Variants in CELF2 observed in about 807,000 individuals in gnomAD.
CELF2 encodes the protein CUGBP Elav-like family member 2, also known as CUG triplet repeat RNA-binding protein 2.
In CELF2, 8 loss-of-function variants were observed where a neutral mutation model predicts 62.6. The ratio of observed to expected loss-of-function variants is 0.13; its 90% CI spans 0.07 to 0.23. CELF2 has a LOEUF of 0.23. Ranked by LOEUF, CELF2 falls within the 10% of genes least tolerant of loss-of-function variation. The probability of loss-of-function intolerance (pLI) is 1.00; values close to 1 mark genes in which losing one functional copy is unlikely to be tolerated. For missense variants in CELF2, 333 were observed against 671.0 expected, an observed-to-expected ratio of 0.50 and a Z score of 5.56; for synonymous variants, 258 against 250.0, an observed-to-expected ratio of 1.03 and a Z score of -0.30.
At chr10:10,789,388 C>T in the CELF2 span, among the ~76,000 whole-genome samples, 6 of 152,252 alleles carry the variant, frequency 3.9e-5, no homozygotes, top group Non-Finnish European at 7.4e-5. Context: ...ATTTAACCCA[C>T]ATTAAATTAT....
Position 11,217,383 on chromosome 10 carries a change from CA to C in CELF2, c.272-41del. On this transcript the variant is annotated intron_variant, in intron 2 of 12. Transcript: ENST00000633077. This position sits in a 1 kb window ranked among gnomAD's most constrained non-coding sequence, Gnocchi z 5.6. ...CAGTCTCCATTATATCTAAGCAAAG[CA>C]TTCACAGAAATTTCTAAAACCTTTT... is the stretch of plus-strand genomic sequence containing the variant. 1 of 1,378,300 alleles carries C rather than the reference CA, an allele frequency of 7.3e-7. No individual in the cohort carries two copies. Among genetic ancestry groups the C allele is most frequent in the Non-Finnish European group, 1.0e-6 (1 of 971,986 alleles). The allele number at this position is 1,378,300 out of a possible 1,614,324, so 85.4% of individuals were successfully genotyped here.
chr10:11,006,301 T>C (rs201113), intron 1 of CELF2, among the ~76,000 whole-genome samples: 41,113 of 152,150 alleles, frequency 0.27, 10,994 homozygotes, highest in African/African-American at 0.7. Context: ...TTGTATAGAC[T>C]ATCAGAATGA....
At chr10:10,485,497 C>G in the CELF2 span, among the ~76,000 whole-genome samples, 16 of 152,314 alleles carry the variant, frequency 1.1e-4, no homozygotes, top group African/African-American at 3.8e-4. Context: ...CAAATACATG[C>G]AAGGCTGCCA....
intron 1 of CELF2, among the ~76,000 whole-genome samples, chr10:10,894,356 C>A (rs1287185385): frequency 3.9e-5 from 6 of 152,200 alleles, no homozygotes; most frequent in African/African-American, 1.4e-4. Flanking sequence ...AGGGCACCAA[C>A]TTGATGGATT....
intron 3 of CELF2, among the ~76,000 whole-genome samples, chr10:11,234,665 G>A (rs373521259): frequency 2.4e-5 from 3 of 124,746 alleles, no homozygotes; most frequent in East Asian, 4.9e-4. Flanking sequence ...CTGGGTGACA[G>A]TGAGACTCCA....
chr10:10,596,513 T>C, the CELF2 span, among the ~76,000 whole-genome samples: 7 of 152,240 alleles, frequency 4.6e-5, no homozygotes, highest in African/African-American at 1.7e-4. Flanking sequence ...GAGACCCAGT[T>C]GCTACTGCAA....
At chr10:10,599,921 T>C in the CELF2 span, among the ~76,000 whole-genome samples, 1 of 151,976 alleles carries the variant, frequency 6.6e-6, no homozygotes, top group African/African-American at 2.4e-5. Context: ...TTAGTAGAGA[T>C]GGGGTTTCAC....
At chr10:11,005,278 GA>G, upstream of CELF2, 3 of 1,589,848 alleles carry the variant, frequency 1.9e-6, no homozygotes, top group Admixed American at 3.4e-5. The surrounding 1 kb of genome is among the most constrained non-coding windows in gnomAD (Gnocchi z 4.3). Flanking sequence ...GAGAGAGAGA[GA>G]GAGAGAGAGA....
At chr10:10,831,737 C>T (rs1289339758) in intron 1 of CELF2, among the ~76,000 whole-genome samples, 2 of 152,194 alleles carry the variant, frequency 1.3e-5, no homozygotes, top group Non-Finnish European at 2.9e-5. Flanking sequence ...TTTGGGAGGC[C>T]AAGATGGCTG....
At chr10:11,121,273 C>G (rs1252890771) in intron 1 of CELF2, among the ~76,000 whole-genome samples, 1 of 152,148 alleles carries the variant, frequency 6.6e-6, no homozygotes, top group Non-Finnish European at 1.5e-5. Context: ...AGAGGCTAGC[C>G]AGTCTCTGTG....
chr10:10,846,967 G>T (rs1024245981), intron 1 of CELF2, among the ~76,000 whole-genome samples: 6 of 152,082 alleles, frequency 3.9e-5, no homozygotes, highest in Non-Finnish European at 5.9e-5. Flanking sequence ...CCGGCCTAAG[G>T]TTAAGAAAGG....
intron 1 of CELF2, among the ~76,000 whole-genome samples, chr10:11,031,136 T>G (rs563384098): frequency 3.7e-4 from 57 of 152,352 alleles, no homozygotes; most frequent in African/African-American, 1.1e-3. Context: ...TACGCCTTCT[T>G]GTGAATTAGA....
intron 2 of CELF2, among the ~76,000 whole-genome samples, chr10:10,980,013 G>A (rs2051881404): frequency 6.6e-6 from 1 of 152,156 alleles, no homozygotes; most frequent in Non-Finnish European, 1.5e-5. Context: ...TGAAAGGTGA[G>A]GAAGAAGGCA....
rs922362194 is a variant in CELF2 at position 11,280,469 on chromosome 10, C to T, written c.841+5349C>T. Among the ~76,000 whole-genome samples the T allele has an allele frequency of 1.1e-4, 16 of 152,324 alleles. No individual in the cohort carries two copies. Among genetic ancestry groups the T allele is most frequent in the South Asian group, 4.1e-4 (2 of 4,828 alleles). On this transcript the variant is annotated intron_variant, in intron 8 of 12. Transcript: ENST00000633077. This position sits in a 1 kb window ranked among gnomAD's most constrained non-coding sequence, Gnocchi z 7.6. ...GGAAGGCAGGCAGGTGCGATGTCCA[C>T]GTTCCGGGTGATGGCGCTGTGGCTG... is the stretch of plus-strand genomic sequence containing the variant.
At chr10:10,571,071 G>A in the CELF2 span, among the ~76,000 whole-genome samples, 1 of 152,034 alleles carries the variant, frequency 6.6e-6, no homozygotes, top group Admixed American at 6.6e-5. Flanking sequence ...AAAGAAACAG[G>A]CAATTACATA....
chr10:10,619,804 A>G, the CELF2 span, among the ~76,000 whole-genome samples: 30 of 152,336 alleles, frequency 2.0e-4, no homozygotes, highest in Admixed American at 9.1e-4. Flanking sequence ...CCATGGGCTT[A>G]CATACCATTT....
chr10:11,128,141 C>G (rs1357022163), intron 1 of CELF2, among the ~76,000 whole-genome samples: 1 of 152,124 alleles, frequency 6.6e-6, no homozygotes, highest in Non-Finnish European at 1.5e-5. Flanking sequence ...ATAGGAAATC[C>G]CTTCCCCATT....
chr10:10,723,904 T>A, the CELF2 span, among the ~76,000 whole-genome samples: 1 of 152,204 alleles, frequency 6.6e-6, no homozygotes, highest in African/African-American at 2.4e-5. Context: ...GTAGGAAGAC[T>A]AAGGTTTTTT....
chr10:10,661,251 T>G, the CELF2 span, among the ~76,000 whole-genome samples: 1 of 152,228 alleles, frequency 6.6e-6, no homozygotes, highest in Admixed American at 6.5e-5. Context: ...GACTTCCATT[T>G]AAATTGAATC....
Sources: gnomAD v4.1 joint callset for allele counts (sites outside exome capture counted in the v4.1 genomes callset) on GRCh38, gnomAD v4.1.1 for gene constraint, Gnocchi (gnomAD v3.1) non-coding constraint, MANE v1.5 for transcripts, NCBI Gene and HGNC (gene_info 2026-07-23, HGNC 2026-07-21) for gene names.